MANBA: variants seen among roughly 807,000 people sequenced by gnomAD.
MANBA encodes mannosidase beta.
In MANBA, 83 loss-of-function variants were observed where a neutral mutation model predicts 111.1. The observed-to-expected ratio is 0.75, with a 90% confidence interval of 0.63 to 0.90. The LOEUF is 0.90. Ranked by LOEUF, MANBA falls within the 40% of genes least tolerant of loss-of-function variation. The pLI, the probability that MANBA is intolerant of heterozygous loss-of-function variation, is 0.00. For synonymous variants in MANBA, 370 were observed against 378.7 expected (o/e 0.98, Z 0.27); for missense variants, 1,036 against 1,069.0 (o/e 0.97, Z 0.43).
chr4:102,752,142 G>A (rs1723830769), intron 1 of MANBA: 1 of 772,244 alleles, frequency 1.3e-6, no homozygotes, highest in South Asian at 1.3e-5. Flanking sequence ...ACCCTCTCTG[G>A]TCACAAGGAA....
At chr4:102,742,404 G>A (rs1723436657) in intron 1 of MANBA, among the ~76,000 whole-genome samples, 1 of 152,114 alleles carries the variant, frequency 6.6e-6, no homozygotes, top group African/African-American at 2.4e-5. Context: ...ATGAATCTTG[G>A]CTATGGGAGA....
intron 13 of MANBA, among the ~76,000 whole-genome samples, chr4:102,649,181 T>G (rs1730223810): frequency 6.6e-6 from 1 of 152,214 alleles, no homozygotes; most frequent in African/African-American, 2.4e-5. Context: ...TTGTTTCTAC[T>G]TTGGGGCTAT....
At chr4:102,651,935 T>A (rs894439681) in intron 12 of MANBA, among the ~76,000 whole-genome samples, 1 of 146,376 alleles carries the variant, frequency 6.8e-6, no homozygotes, top group Non-Finnish European at 1.5e-5. Flanking sequence ...CGCTTCCTCC[T>A]CTTAATTTAT....
rs1173985136 is a variant in MANBA at position 102,750,122 on chromosome 4, G to T, written c.177+10596C>A. Among the ~76,000 whole-genome samples the T allele has an allele frequency of 2.0e-5, 3 of 152,108 alleles. No individual in the cohort carries two copies. The East Asian group carries it at 5.8e-4, about 29-fold the overall frequency. On this transcript the variant is annotated intron_variant, in intron 1 of 16. Transcript: ENST00000647097. Reference sequence around the variant, plus strand: ...GTTTAAATTAAATTTCAAATGCAGAGTCATTAGCTATTTTATCTCCTTAAT... The same window carrying T: ...GTTTAAATTAAATTTCAAATGCAGATTCATTAGCTATTTTATCTCCTTAAT...
Position 102,634,893 on chromosome 4 carries a change from C to T in MANBA, c.2310G>A (p.Val770=), listed in dbSNP as rs552616448. ...RCGNCTRESC[V]VSFYLSADHE... is the part of the protein sequence containing the mutation. ...GGTCAGCTGAAAGGTAAAAGGAAAC[C>T]ACACAGCTTTCCCGTGTGCAATTCC... The change falls in exon 16 of 17, where the codon GTG becomes GTA. Residue 770 remains valine, a synonymous_variant. Coordinates refer to ENST00000647097, the MANE Select transcript of MANBA (RefSeq NM_005908.4). 64 of 1,614,222 alleles carry T rather than the reference C, an allele frequency of 4.0e-5. No individual in the cohort carries two copies. The South Asian group carries it at 7.0e-4, about 18-fold the overall frequency.
chr4:102,718,459 C>T (rs1047039073), intron 4 of MANBA, among the ~76,000 whole-genome samples: 3 of 152,110 alleles, frequency 2.0e-5, no homozygotes, highest in Non-Finnish European at 1.5e-5. Flanking sequence ...CAGAGAAAGG[C>T]CCTATAATAT....
At position 102,660,547 on chromosome 4, in the gene MANBA, T is replaced by C. The variant is rs185117620; in HGVS notation, c.1486-2647A>G. Among the ~76,000 whole-genome samples, 359 of 152,072 alleles carry C rather than the reference T, an allele frequency of 2.4e-3. 2 individuals carry two copies. Among genetic ancestry groups the C allele is most frequent in the African/African-American group, 8.1e-3 (337 of 41,524 alleles). Reference sequence around the variant, plus strand: ...ATAGCTCACTGCAGCCTCGACCTTCTGGGCTCAAAATAAGCCTCCCGCCTC... The same window carrying C: ...ATAGCTCACTGCAGCCTCGACCTTCCGGGCTCAAAATAAGCCTCCCGCCTC... On this transcript the variant is annotated intron_variant, in intron 11 of 16. Coordinates refer to ENST00000647097, the MANE Select transcript of MANBA (RefSeq NM_005908.4).
chr4:102,645,202 A>T (rs963576913), intron 13 of MANBA, among the ~76,000 whole-genome samples: 1 of 151,896 alleles, frequency 6.6e-6, no homozygotes, highest in African/African-American at 2.4e-5. Flanking sequence ...CATTCCTGGG[A>T]TATTTCCCAC....
intron 5 of MANBA, among the ~76,000 whole-genome samples, chr4:102,709,359 G>A (rs577401657): frequency 7.2e-5 from 7 of 97,378 alleles, no homozygotes; most frequent in African/African-American, 1.8e-4. Context: ...AGGAAGAAAA[G>A]AAAAGAAAAA....
In MANBA at chr4:102,737,193, G is replaced by A. The variant is rs73836854; in HGVS notation, c.178-10510C>T. Among the ~76,000 whole-genome samples, 604 of 152,234 alleles carry A rather than the reference G, an allele frequency of 4.0e-3. 4 individuals are homozygous for A. Among genetic ancestry groups the A allele is most frequent in the African/African-American group, 0.011 (471 of 41,546 alleles). ...CCCGGCTGAACTTTGTAATATTTTC[G>A]ACAAGCATGAATTTTCCTGAGCAGA... On this transcript the variant is annotated intron_variant, in intron 1 of 16. Transcript: ENST00000647097.
intron 1 of MANBA, among the ~76,000 whole-genome samples, chr4:102,747,555 T>C (rs1028096192): frequency 1.3e-5 from 2 of 152,218 alleles, no homozygotes; most frequent in Non-Finnish European, 2.9e-5. Context: ...ACACTCAGTA[T>C]TAACCATCAC....
rs765998103 is a variant in MANBA, at chr4:102,631,019, A to T, written c.*1038T>A. Reference sequence around the variant, plus strand: ...AATGCTTTGCTAAAACAGGATTTACAATAGTCATAAGAACATGACATAATA... The same window carrying T: ...AATGCTTTGCTAAAACAGGATTTACTATAGTCATAAGAACATGACATAATA... On this transcript the variant is annotated 3_prime_UTR_variant, in exon 17 of 17. Transcript: ENST00000647097. 13 of 152,170 alleles carry T rather than the reference A, an allele frequency of 8.5e-5. No homozygotes were observed. The highest frequency in any genetic ancestry group is 1.2e-4 in the African/African-American group (5 of 41,422). The allele number at this position is 152,170 out of a possible 1,614,324, so 9.4% of individuals were successfully genotyped here.
At chr4:102,714,672 G>A in intron 4 of MANBA, 111 bp from the exon 5 acceptor site, 1 of 1,058,030 alleles carries the variant, frequency 9.5e-7, no homozygotes, top group Non-Finnish European at 1.4e-6. Flanking sequence ...GTTTGCTATG[G>A]CAGCCATAAC....
chr4:102,674,308 G>A (rs1322972688), intron 7 of MANBA, among the ~76,000 whole-genome samples: 1 of 152,060 alleles, frequency 6.6e-6, no homozygotes, highest in Non-Finnish European at 1.5e-5. Context: ...AAGAGCTACT[G>A]TAGTCTTCCA....
At chr4:102,737,159 A>C (rs1261573752) in intron 1 of MANBA, among the ~76,000 whole-genome samples, 1 of 152,178 alleles carries the variant, frequency 6.6e-6, no homozygotes, top group Non-Finnish European at 1.5e-5. Context: ...TCACAGGGTG[A>C]AGGAAGCTCC....
rs150220143 is a variant in MANBA, at chr4:102,639,660, C to G, written c.2014+53G>C. 0.011 allele frequency: 17,318 copies of G among 1,610,812 alleles called. 186 individuals carry two copies. The highest frequency in any genetic ancestry group is 0.04 in the Admixed American group (2,392 of 59,934). The stretch of plus-strand genomic sequence containing the variant: ...CCAGCACTGTGCTTTCTCAGTCCCT[C>G]TCCCCACAGTGTTGCTTTCTCTCAC... On this transcript the variant is annotated intron_variant, in intron 14 of 16. Coordinates refer to ENST00000647097, the MANE Select transcript of MANBA (RefSeq NM_005908.4).
intron 1 of MANBA, chr4:102,730,435 G>A: frequency 2.1e-6 from 1 of 486,030 alleles, no homozygotes; most frequent in Non-Finnish European, 3.9e-6. Flanking sequence ...GAATGCAGCT[G>A]CAGAGTATTC....
chr4:102,685,958 C>A (rs1339369223), intron 7 of MANBA, among the ~76,000 whole-genome samples: 1 of 151,928 alleles, frequency 6.6e-6, no homozygotes, highest in Non-Finnish European at 1.5e-5. Flanking sequence ...GCCCTTGTGT[C>A]CTTTCAATGT....
chr4:102,743,808 A>C (rs1723497370), intron 1 of MANBA, among the ~76,000 whole-genome samples: 1 of 152,224 alleles, frequency 6.6e-6, no homozygotes, highest in Non-Finnish European at 1.5e-5. Flanking sequence ...TTTCCACCAA[A>C]GCCCAGTAAC....
Sources: gnomAD v4.1 joint callset for allele counts (sites outside exome capture counted in the v4.1 genomes callset) on GRCh38, gnomAD v4.1.1 for gene constraint, MANE v1.5 for transcripts, NCBI Gene and HGNC (gene_info 2026-07-23, HGNC 2026-07-21) for gene names.